RHPN1: variants seen among roughly 807,000 people sequenced by gnomAD.
The protein encoded by RHPN1 is rhophilin Rho GTPase binding protein 1.
RHPN1 carries 77 observed loss-of-function variants against 74.7 expected under a neutral mutation model. That is an observed-to-expected ratio of 1.03 (90% confidence interval 0.86 to 1.25). The LOEUF (loss-of-function observed/expected upper bound fraction) is 1.25, where lower values mean the gene tolerates loss of function less well. Ranked by LOEUF, RHPN1 falls within the 50% of genes most tolerant of loss-of-function variation. RHPN1 has a pLI of 0.00. For missense variants in RHPN1, 987 were observed against 932.2 expected (o/e 1.06, Z -0.77); for synonymous variants, 444 against 414.5 (o/e 1.07, Z -0.87).
At position 143,379,520 on chromosome 8, in the gene RHPN1, C is replaced by T; in HGVS notation, c.945+12C>T. On this transcript the variant is annotated intron_variant, in intron 8 of 14. Coordinates refer to ENST00000289013, the MANE Select transcript of RHPN1 (RefSeq NM_052924.3). ...AGGAGGCCGCCCAGGTGAGCTCGGG[C>T]ACCCGTGTCAGGATGCAGGGGGTGG... is the stretch of plus-strand genomic sequence containing the variant. 1 of 1,533,340 alleles carries T rather than the reference C, an allele frequency of 6.5e-7. No homozygotes were observed. Among genetic ancestry groups the T allele is most frequent in the Non-Finnish European group, 8.8e-7 (1 of 1,137,436 alleles). The allele number at this position is 1,533,340 out of a possible 1,614,324, so 95.0% of individuals were successfully genotyped here. A position where few individuals can be genotyped will look rare whatever the true frequency, so the allele number is the denominator to read the frequency against.
chr8:143,382,702 C>A lies in RHPN1; in HGVS notation c.*51C>A. ...CCCTGGCTCCAGCTGGCAGCAAGCA[C>A]CGAGCATGCCCTCCCCACCCAGAGG... On this transcript the variant is annotated 3_prime_UTR_variant, in exon 15 of 15. Coordinates refer to ENST00000289013, the MANE Select transcript of RHPN1 (RefSeq NM_052924.3). 1 of 1,475,178 alleles carries A rather than the reference C, an allele frequency of 6.8e-7. No individual in the cohort carries two copies. 91.4% of individuals were successfully genotyped at this position (1,475,178 alleles called of 1,614,324 possible).
intron 11 of RHPN1, 94 bp downstream of exon 11, chr8:143,380,877 A>G (rs904598119): frequency 1.6e-4 from 161 of 1,030,942 alleles, no homozygotes; most frequent in Non-Finnish European, 2.1e-4. Flanking sequence ...TTAAAGATGC[A>G]GTCACCACGA....
At chr8:143,364,848 C>T (rs1476274059), upstream of RHPN1, among the ~76,000 whole-genome samples, 2 of 152,196 alleles carry the variant, frequency 1.3e-5, no homozygotes, top group Admixed American at 1.3e-4. This position sits in a 1 kb window ranked among gnomAD's most constrained non-coding sequence, Gnocchi z 4.5. Context: ...GCCGTCCCTC[C>T]TGTTGCCTCC....
At chr8:143,374,798 T>C (rs536696452) in intron 1 of RHPN1, among the ~76,000 whole-genome samples, 1 of 152,084 alleles carries the variant, frequency 6.6e-6, no homozygotes, top group Non-Finnish European at 1.5e-5. Flanking sequence ...AAATGTAAGC[T>C]CCAGCACGCT....
chr8:143,368,740 G>C (rs1018858463), upstream of RHPN1: 2 of 294,220 alleles, frequency 6.8e-6, no homozygotes, highest in African/African-American at 4.4e-5. Context: ...ACTCTGGTTG[G>C]CTGATATAGC....
At chr8:143,379,778 C>T (rs2130599352) in intron 8 of RHPN1, 51 bp from the exon 9 acceptor site, 1 of 1,554,446 alleles carries the variant, frequency 6.4e-7, no homozygotes, top group South Asian at 1.2e-5. Flanking sequence ...GAGAAGCAGG[C>T]ACCACCTGGA....
intron 1 of RHPN1, 54 bp downstream of exon 1, chr8:143,369,101 C>T: frequency 7.3e-7 from 1 of 1,361,130 alleles, no homozygotes; most frequent in Non-Finnish European, 9.6e-7. Flanking sequence ...CCGGCCTTTT[C>T]CTGCCCCCCC....
upstream of RHPN1, chr8:143,367,587 C>G (rs1057335113): frequency 6.6e-6 from 1 of 152,262 alleles, no homozygotes; most frequent in Non-Finnish European, 1.5e-5. Flanking sequence ...GAGGGGCCTG[C>G]TGCAGATGGC....
intron 4 of RHPN1, 89 bp from the exon 5 acceptor site, chr8:143,378,180 T>G: frequency 2.7e-6 from 3 of 1,098,472 alleles, no homozygotes; most frequent in Non-Finnish European, 4.1e-6. Context: ...CCCTCCACCA[T>G]GAGTCTTTTC....
chr8:143,366,001 C>CAA (rs530970414), upstream of RHPN1, among the ~76,000 whole-genome samples: 7 of 74,980 alleles, frequency 9.3e-5, no homozygotes, highest in Admixed American at 1.6e-4. Flanking sequence ...CACCCTGTCT[C>CAA]AAAAAAAAAA....
intron 3 of RHPN1, 56 bp downstream of exon 3, chr8:143,376,709 G>T: frequency 6.6e-7 from 1 of 1,509,010 alleles, no homozygotes; most frequent in Non-Finnish European, 9.0e-7. Context: ...GTGTGCGTGT[G>T]TGTGTGCATG....
In RHPN1 at chr8:143,376,619, C is replaced by G. The variant is rs753926374; in HGVS notation, c.271C>G (p.Leu91Val). 2 of 1,589,174 alleles carry G rather than the reference C, an allele frequency of 1.3e-6. No individual in the cohort carries two copies. The highest frequency in any genetic ancestry group is 4.6e-5 in the East Asian group (2 of 43,410). Residue 91 changes from leucine to valine, a missense_variant, in exon 3 of 15, where the codon CTC becomes GTC. By Grantham distance (32) the Leu-to-Val change is conservative (BLOSUM62 1). Transcript: ENST00000289013. ...LQLLKEELEE[L>V]SGGVDPGRHG... The stretch of plus-strand genomic sequence containing the variant: ...GCTGCTGAAGGAGGAGCTGGAGGAG[C>G]TCAGCGGTGGCGTGGACCCTGGCCG...
At chr8:143,371,120 C>T (rs903916688) in intron 1 of RHPN1, among the ~76,000 whole-genome samples, 2 of 152,146 alleles carry the variant, frequency 1.3e-5, no homozygotes, top group African/African-American at 4.8e-5. Context: ...CCCCAGGGAG[C>T]ATCAGAGAGA....
Position 143,377,378 on chromosome 8 carries a change from A to C in RHPN1, c.306-2A>C, listed in dbSNP as rs765665422. On this transcript the variant is annotated splice_acceptor_variant, in intron 3 of 14. Transcript: ENST00000289013. LOFTEE classifies it high-confidence loss of function. ...GTCTGAAGTCGATGCTTCTGGTTAC[A>C]GCGAAGCTGTCACTGTCCCCATGAT... The C allele has an allele frequency of 8.1e-6, 13 of 1,612,568 alleles. No individual in the cohort carries two copies. The highest frequency in any genetic ancestry group is 1.1e-5 in the Non-Finnish European group (13 of 1,179,010).
rs778158359 is a variant in RHPN1 at position 143,373,977 on chromosome 8, AATAG to A, written c.61-1573_61-1570del. On this transcript the variant is annotated intron_variant, in intron 1 of 14. Transcript: ENST00000289013. ...TTTTGTGGGGACACAATTCACCCATAATAGATGGTCACCCGCTCAGCTGGCTGCT... is the reference window on the plus strand; with the variant it reads ...TTTTGTGGGGACACAATTCACCCATAATGGTCACCCGCTCAGCTGGCTGCT... Among the ~76,000 whole-genome samples the A allele has an allele frequency of 1.5e-3, 225 of 152,260 alleles. 2 individuals are homozygous for A. Among genetic ancestry groups the A allele is most frequent in the Admixed American group, 3.1e-3 (47 of 15,306 alleles).
rs2129658741 is a variant in RHPN1, at chr8:143,383,781, TCAGCAGCCCTGGGAGGCGGCACGGG to T, written c.*1134_*1158del. ...CCACTAGGGGGCAGCCGCCACCCGC[TCAGCAGCCCTGGGAGGCGGCACGGG>T]CAGGTGCGCCTTGGGAGGGCTGAGG... On this transcript the variant is annotated 3_prime_UTR_variant, in exon 15 of 15. Transcript: ENST00000289013. The T allele has an allele frequency of 6.6e-6, 1 of 152,240 alleles. No homozygotes were observed. The highest frequency in any genetic ancestry group is 1.9e-4 in the East Asian group (1 of 5,174). The allele number at this position is 152,240 out of a possible 1,614,324, so 9.4% of individuals were successfully genotyped here.
In RHPN1 at chr8:143,368,929, C is replaced by G; in HGVS notation, c.-59C>G. On this transcript the variant is annotated 5_prime_UTR_variant, in exon 1 of 15. Transcript: ENST00000289013. ...GGGCGGCCCTAGCCCGGCTGCGGAG[C>G]GCTGCGCGAGCGGCGGGCTGGCTGA... 1 of 1,359,014 alleles carries G rather than the reference C, an allele frequency of 7.4e-7. No individual in the cohort carries two copies. The allele number at this position is 1,359,014 out of a possible 1,614,324, so 84.2% of individuals were successfully genotyped here.
chr8:143,380,046 C>G lies in RHPN1; in HGVS notation c.1103-16C>G, dbSNP rs929171773. 1 of 1,545,180 alleles carries G rather than the reference C, an allele frequency of 6.5e-7. No individual in the cohort carries two copies. Among genetic ancestry groups the G allele is most frequent in the African/African-American group, 1.4e-5 (1 of 73,050 alleles). ...AGGCCCCCCCGCGCAGGGCTCACAG[C>G]CTCTCTGTCCCCCAGCAGCGACCGA... On this transcript the variant is annotated splice_polypyrimidine_tract_variant and intron_variant, in intron 9 of 14. Transcript: ENST00000289013.
upstream of RHPN1, among the ~76,000 whole-genome samples, chr8:143,365,111 G>A (rs190960289): frequency 2.7e-3 from 405 of 152,268 alleles, 2 homozygotes; most frequent in African/African-American, 9.4e-3. Context: ...AATTCTTGGG[G>A]TTTAGCCAGT....
Sources: allele counts gnomAD v4.1 joint callset (sites outside exome capture counted in the v4.1 genomes callset), GRCh38; gene constraint gnomAD v4.1.1; non-coding constraint Gnocchi (gnomAD v3.1); transcripts MANE v1.5; gene names NCBI Gene and HGNC (gene_info 2026-07-23, HGNC 2026-07-21).